ESPNL: variants seen among roughly 807,000 people sequenced by gnomAD.
ESPNL encodes espin-like protein.
Under a neutral mutation model 46.8 loss-of-function variants are expected in ESPNL, and 49 were observed. The ratio of observed to expected loss-of-function variants is 1.05; its 90% CI spans 0.83 to 1.33. The LOEUF (loss-of-function observed/expected upper bound fraction) is 1.33. Ranked by LOEUF, ESPNL falls within the 40% of genes most tolerant of loss-of-function variation. The pLI is 0.00. For synonymous variants in ESPNL, 664 were observed against 662.1 expected (o/e 1.00, Z -0.04); for missense variants, 1,540 against 1,436.6 (o/e 1.07, Z -1.16).
rs1368646029 is a variant in ESPNL at position 238,114,678 on chromosome 2, C to T, written c.856-2225C>T. On this transcript the variant is annotated intron_variant, in intron 4 of 8. Coordinates refer to ENST00000343063, the MANE Select transcript of ESPNL (RefSeq NM_194312.4). This position sits in a 1 kb window ranked among gnomAD's most constrained non-coding sequence, Gnocchi z 5.0. Reference sequence around the variant, plus strand: ...CAGCAGCCCCCGGGGAAGGGGTGTGCGCACGCCTGATTTTGTGTGGCCCCA... The same window carrying T: ...CAGCAGCCCCCGGGGAAGGGGTGTGTGCACGCCTGATTTTGTGTGGCCCCA... Among the ~76,000 whole-genome samples, 4 of 152,162 alleles carry T rather than the reference C, an allele frequency of 2.6e-5. No individual in the cohort carries two copies. Among genetic ancestry groups the T allele is most frequent in the African/African-American group, 7.2e-5 (3 of 41,426 alleles).
chr2:238,111,116 G>A (rs1045255430), intron 4 of ESPNL, among the ~76,000 whole-genome samples: 11 of 151,734 alleles, frequency 7.2e-5, no homozygotes, highest in Non-Finnish European at 1.0e-4. Flanking sequence ...TAGTAGAGAC[G>A]GGGTTTCACC....
intron 8 of ESPNL, 59 bp downstream of exon 8, chr2:238,128,963 G>A: frequency 6.7e-7 from 1 of 1,499,020 alleles, no homozygotes; most frequent in Non-Finnish European, 8.9e-7. Context: ...CAGGTAGGTG[G>A]AAGTGGAAGT....
Position 238,130,468 on chromosome 2 carries a change from GGGTGCAGCCCCTGCCCTTCT to G in ESPNL, c.1764_1783del (p.Leu589HisfsTer23), listed in dbSNP as rs1463532334. On this transcript the variant is annotated frameshift_variant, in exon 9 of 9. Coordinates refer to ENST00000343063, the MANE Select transcript of ESPNL (RefSeq NM_194312.4). LOFTEE classifies it low-confidence loss of function (END_TRUNC). ...GCGGAGGCCTCAGAGGTGGCCCCCG[GGGTGCAGCCCCTGCCCTTCT>G]GGTGCAGCCACATCTCCCGCCTGGT... 1.2e-6 allele frequency: 2 copies of G among 1,600,850 alleles called. No homozygotes were observed. The highest frequency in any genetic ancestry group is 1.1e-5 in the South Asian group (1 of 89,400).
chr2:238,130,743 G>GT lies in ESPNL; in HGVS notation c.2029_2030insT (p.Gly677ValfsTer17). The GT allele has an allele frequency of 1.3e-6, 2 of 1,564,278 alleles. No individual in the cohort carries two copies. The highest frequency in any genetic ancestry group is 2.3e-5 in the South Asian group (2 of 86,364). On this transcript the variant is annotated frameshift_variant, in exon 9 of 9. Coordinates refer to ENST00000343063, the MANE Select transcript of ESPNL (RefSeq NM_194312.4). LOFTEE classifies it low-confidence loss of function (END_TRUNC). ...CTTCAACCCTGGCCCCTGCGAGCCG[G>GT]GGGCCCAGCACAGGCAGTGCCTGAG...
intron 2 of ESPNL, among the ~76,000 whole-genome samples, chr2:238,104,086 A>C (rs1468629737): frequency 6.6e-6 from 1 of 152,016 alleles, no homozygotes; most frequent in Non-Finnish European, 1.5e-5. Context: ...AGATCCCTTC[A>C]TTACTCCTCA....
At chr2:238,129,215 CGGT>C in intron 8 of ESPNL, 2 of 1,283,066 alleles carry the variant, frequency 1.6e-6, no homozygotes, top group Non-Finnish European at 2.0e-6. Context: ...GCAGGGAAGA[CGGT>C]GGCCCATGGG....
At chr2:238,124,635 A>G (rs1692059282) in intron 5 of ESPNL, among the ~76,000 whole-genome samples, 1 of 130,966 alleles carries the variant, frequency 7.6e-6, no homozygotes, top group Admixed American at 7.7e-5. Flanking sequence ...GTGTGTGTGC[A>G]GGAGAGTGTA....
chr2:238,129,172 C>T, intron 8 of ESPNL: 2 of 1,384,612 alleles, frequency 1.4e-6, no homozygotes, highest in Non-Finnish European at 1.9e-6. Flanking sequence ...CTGTGCCAAG[C>T]GTTGTTCTAG....
In ESPNL at chr2:238,100,559, G is replaced by T; in HGVS notation, c.140G>T (p.Gly47Val). 1 of 1,589,514 alleles carries T rather than the reference G, an allele frequency of 6.3e-7. No homozygotes were observed. Among genetic ancestry groups the T allele is most frequent in the Admixed American group, 1.8e-5 (1 of 56,368 alleles). Residue 47 changes from glycine to valine, a missense_variant, in exon 1 of 9, where the codon GGC becomes GTC. By Grantham distance (109) the Gly-to-Val change is moderately radical (BLOSUM62 -3). Transcript: ENST00000343063. ...CTGGTTCACCACGCCACCCGGGCTGGCCACCTGGACTGCGTCAAGTTCTTG... is the reference window on the plus strand; with the variant it reads ...CTGGTTCACCACGCCACCCGGGCTGTCCACCTGGACTGCGTCAAGTTCTTG... The part of the protein sequence containing the change: ...AGLVHHATRA[G>V]HLDCVKFLVQ...
chr2:238,106,974 C>T (rs116608106), intron 3 of ESPNL, among the ~76,000 whole-genome samples: 1,588 of 152,330 alleles, frequency 0.01, 27 homozygotes, highest in African/African-American at 0.036. Flanking sequence ...ACACCGAAGG[C>T]GACGGGCTGC....
At chr2:238,127,806 C>A in intron 7 of ESPNL, 72 bp downstream of exon 7, 1 of 1,162,974 alleles carries the variant, frequency 8.6e-7, no homozygotes, top group Non-Finnish European at 1.2e-6. Context: ...CTCTTAGGGG[C>A]CCAGAGAAGC....
chr2:238,105,363 A>C (rs1691572669), intron 3 of ESPNL, among the ~76,000 whole-genome samples: 2 of 152,166 alleles, frequency 1.3e-5, no homozygotes, highest in South Asian at 4.2e-4. Flanking sequence ...CTGCCTCTAC[A>C]ACAGAAAAGC....
At chr2:238,121,937 C>T (rs757170436) in intron 5 of ESPNL, among the ~76,000 whole-genome samples, 7 of 152,254 alleles carry the variant, frequency 4.6e-5, no homozygotes, top group South Asian at 2.1e-4. Context: ...GCCATGGCAA[C>T]GGGTGTCCGG....
chr2:238,100,417 A>T lies in ESPNL; in HGVS notation c.-3A>T. ...AGTCGCCACTGAGAGCCCGGGCCAG[A>T]GGATGGAGAAGCAGCGGGCACTCGT... On this transcript the variant is annotated 5_prime_UTR_variant, in exon 1 of 9. Transcript: ENST00000343063. The T allele has an allele frequency of 6.3e-7, 1 of 1,595,650 alleles. No individual in the cohort carries two copies.
intron 6 of ESPNL, chr2:238,127,381 C>CGTGGCCCAGCGGT (rs1357042324): frequency 2.3e-6 from 3 of 1,286,938 alleles, no homozygotes; most frequent in Non-Finnish European, 2.9e-6. Context: ...GGGGCCGCGG[C>CGTGGCCCAGCGGT]GTGGCCCAGC....
chr2:238,107,868 C>A lies in ESPNL; in HGVS notation c.750C>A (p.Gly250=). The A allele has an allele frequency of 6.2e-7, 1 of 1,611,600 alleles. No individual in the cohort carries two copies. The highest frequency in any genetic ancestry group is 8.5e-7 in the Non-Finnish European group (1 of 1,179,320). The change falls in exon 4 of 9, where the codon GGC becomes GGA. Residue 250 remains glycine (G), a synonymous_variant. Coordinates refer to ENST00000343063, the MANE Select transcript of ESPNL (RefSeq NM_194312.4). ...CCCTGCACTTTGCAGCCCGAGGCGGCCACACGCCCATTCTAGACCGACTCC... is the reference window on the plus strand; with the variant it reads ...CCCTGCACTTTGCAGCCCGAGGCGGACACACGCCCATTCTAGACCGACTCC... ...ATALHFAARG[G]HTPILDRLLL...
intron 5 of ESPNL, 131 bp downstream of exon 5, chr2:238,117,165 G>A: frequency 7.8e-7 from 1 of 1,280,510 alleles, no homozygotes; most frequent in Non-Finnish European, 1.1e-6. Flanking sequence ...CATGGCATTG[G>A]AGCCAGGAGC....
chr2:238,121,613 G>T (rs1691988708), intron 5 of ESPNL, among the ~76,000 whole-genome samples: 1 of 152,248 alleles, frequency 6.6e-6, no homozygotes, highest in South Asian at 2.1e-4. Flanking sequence ...GGCCAGGCTG[G>T]TCTTGAGCTC....
At chr2:238,128,300 A>G (rs1233558571) in intron 7 of ESPNL, among the ~76,000 whole-genome samples, 1 of 152,176 alleles carries the variant, frequency 6.6e-6, no homozygotes, top group Admixed American at 6.5e-5. Context: ...TGGAGCGCGC[A>G]CGGCACATTG....
Sources: allele counts gnomAD v4.1 joint callset (sites outside exome capture counted in the v4.1 genomes callset), GRCh38; gene constraint gnomAD v4.1.1; non-coding constraint Gnocchi (gnomAD v3.1); transcripts MANE v1.5; gene names NCBI Gene and HGNC (gene_info 2026-07-23, HGNC 2026-07-21).